Variants in HMBOX1 observed in about 807,000 individuals in gnomAD.
The protein encoded by HMBOX1 is homeobox containing 1, also known as homeobox-containing protein 1.
Under a neutral mutation model 54.5 loss-of-function variants are expected in HMBOX1, and 14 were observed. The observed-to-expected ratio is 0.26, with a 90% CI of 0.17 to 0.40. The LOEUF is 0.40. Among genes scored for constraint, HMBOX1 ranks in the 10% least tolerant of loss-of-function variants. The pLI is 1.00. For missense variants in HMBOX1, 332 were observed against 514.4 expected (o/e 0.65, Z 3.43); for synonymous variants, 160 against 181.0 (o/e 0.88, Z 0.93).
intron 1 of HMBOX1, among the ~76,000 whole-genome samples, chr8:28,907,308 T>C (rs919947895): frequency 1.3e-5 from 2 of 152,232 alleles, no homozygotes; most frequent in African/African-American, 2.4e-5. Flanking sequence ...TGTTCTTGTC[T>C]AAAGTCTTAT....
intron 1 of HMBOX1, among the ~76,000 whole-genome samples, chr8:28,938,999 A>C (rs1820876060): frequency 6.6e-6 from 1 of 152,168 alleles, no homozygotes. Flanking sequence ...TCTTTAAAAA[A>C]ACAAAAGAAG....
rs895582922 is a variant in HMBOX1 at position 28,900,984 on chromosome 8, A to G, written c.-58+10306A>G. Reference sequence around the variant, plus strand: ...TCTAGGTGCAAATCTGATCTCCACTACTTAACCCTGTAATTTTGTGTAAAC... The same window carrying G: ...TCTAGGTGCAAATCTGATCTCCACTGCTTAACCCTGTAATTTTGTGTAAAC... On this transcript the variant is annotated intron_variant, in intron 1 of 9. Transcript: ENST00000287701. Among the ~76,000 whole-genome samples, 10 of 152,130 alleles carry G rather than the reference A, an allele frequency of 6.6e-5. No homozygotes were observed. In the South Asian group the frequency reaches 1.9e-3, roughly 28 times the overall value.
intron 3 of HMBOX1, among the ~76,000 whole-genome samples, chr8:28,973,803 GTTTTTT>G (rs71222583): frequency 8.9e-4 from 65 of 72,640 alleles, no homozygotes; most frequent in African/African-American, 2.4e-3. Flanking sequence ...ACATAATGGA[GTTTTTT>G]TTTTTTTTTT....
chr8:29,027,655 A>G (rs1314375951), intron 6 of HMBOX1, among the ~76,000 whole-genome samples: 1 of 152,208 alleles, frequency 6.6e-6, no homozygotes, highest in Admixed American at 6.6e-5. Context: ...CAACTTGGAA[A>G]AAAGCTTTGA....
intron 4 of HMBOX1, among the ~76,000 whole-genome samples, chr8:28,999,305 C>T (rs920114766): frequency 5.3e-5 from 8 of 152,140 alleles, no homozygotes; most frequent in African/African-American, 1.4e-4. Flanking sequence ...TCTCTCTTGA[C>T]ACTTCAAGAT....
chr8:29,016,492 A>AT lies in HMBOX1; in HGVS notation c.698-2266dup, dbSNP rs561099449. Reference sequence around the variant, plus strand: ...TTGTGATAATTTTTATTAGTTATCTATTCTTATACAATAAATTATCCACAA... The same window carrying AT: ...TTGTGATAATTTTTATTAGTTATCTATTTCTTATACAATAAATTATCCACAA... On this transcript the variant is annotated intron_variant, in intron 5 of 9. Coordinates refer to ENST00000287701, the MANE Select transcript of HMBOX1 (RefSeq NM_001135726.3). 2.5e-4 allele frequency among the ~76,000 whole-genome samples: 38 copies of AT among 152,378 alleles called. No individual in the cohort carries two copies. In the East Asian group the frequency reaches 6.2e-3, roughly 25 times the overall value.
intron 1 of HMBOX1, among the ~76,000 whole-genome samples, chr8:28,897,133 G>A (rs1448268456): frequency 6.6e-6 from 1 of 151,864 alleles, no homozygotes. Flanking sequence ...TTATGGGCAT[G>A]CGCCACCATG....
At chr8:29,010,320 G>GATT in intron 5 of HMBOX1, 2 of 243,736 alleles carry the variant, frequency 8.2e-6, no homozygotes, top group South Asian at 1.5e-4. Flanking sequence ...AACACTTTGG[G>GATT]AGGCCGAAGT....
intron 3 of HMBOX1, among the ~76,000 whole-genome samples, chr8:28,971,958 GATTTTTAA>G (rs1242153756): frequency 6.6e-6 from 1 of 152,134 alleles, no homozygotes; most frequent in African/African-American, 2.4e-5. Flanking sequence ...TCTTCCTAAA[GATTTTTAA>G]ACTTCAAGAT....
rs1457203703 is a variant in HMBOX1 at position 28,947,921 on chromosome 8, C to CATTT, written c.-57-15873_-57-15870dup. On this transcript the variant is annotated intron_variant, in intron 1 of 9. Transcript: ENST00000287701. ...ATCTACATGGCTTGCTGCCTAATTT[C>CATTT]ATTTATTTATTTATTTATTTGAGAC... is the stretch of plus-strand genomic sequence containing the variant. Among the ~76,000 whole-genome samples the CATTT allele has an allele frequency of 6.6e-5, 10 of 152,062 alleles. 1 individual carries two copies. In the East Asian group the frequency reaches 7.7e-4, roughly 12 times the overall value.
intron 1 of HMBOX1, among the ~76,000 whole-genome samples, chr8:28,943,642 TG>T (rs1821870782): frequency 6.6e-6 from 1 of 152,182 alleles, no homozygotes; most frequent in South Asian, 2.1e-4. Flanking sequence ...TGACGTATTT[TG>T]GGGTGGCATG....
At chr8:28,947,376 A>G (rs1160104011) in intron 1 of HMBOX1, among the ~76,000 whole-genome samples, 1 of 152,224 alleles carries the variant, frequency 6.6e-6, no homozygotes, top group East Asian at 1.9e-4. Flanking sequence ...TGAATTATAT[A>G]TTAGCATATC....
intron 1 of HMBOX1, among the ~76,000 whole-genome samples, chr8:28,956,482 T>A (rs1238746379): frequency 6.6e-6 from 1 of 152,168 alleles, no homozygotes; most frequent in Non-Finnish European, 1.5e-5. Flanking sequence ...GCCTGATACT[T>A]ATTTTTTACA....
At chr8:28,945,498 T>C (rs1822267705) in intron 1 of HMBOX1, among the ~76,000 whole-genome samples, 1 of 152,190 alleles carries the variant, frequency 6.6e-6, no homozygotes, top group African/African-American at 2.4e-5. Flanking sequence ...TTGAAAACCA[T>C]TGCATTAGTA....
intron 1 of HMBOX1, among the ~76,000 whole-genome samples, chr8:28,897,551 C>T (rs1307884035): frequency 1.3e-5 from 2 of 152,106 alleles, no homozygotes; most frequent in African/African-American, 4.8e-5. Flanking sequence ...TGGCACACAC[C>T]TGTACTCCCA....
In HMBOX1 at chr8:29,014,073, G is replaced by T. The variant is rs571790574; in HGVS notation, c.698-4687G>T. Among the ~76,000 whole-genome samples the T allele has an allele frequency of 5.1e-4, 21 of 41,434 alleles. No individual in the cohort carries two copies. In the East Asian group the frequency reaches 7.4e-3, roughly 15 times the overall value. The allele number at this position is 41,434 out of a possible 152,430, so 27.2% of individuals were successfully genotyped here. On this transcript the variant is annotated intron_variant, in intron 5 of 9. Coordinates refer to ENST00000287701, the MANE Select transcript of HMBOX1 (RefSeq NM_001135726.3). ...TAGTTCCTATGGATGGCGTAGTAAT[G>T]ATGTGCTTATAGTCCCCTCACCCAG...
chr8:28,939,211 C>T (rs13258689), intron 1 of HMBOX1, among the ~76,000 whole-genome samples: 64,796 of 151,038 alleles, frequency 0.43, 15,165 homozygotes, highest in Non-Finnish European at 0.53. Flanking sequence ...ATTGCTTGAA[C>T]CTGGGAGGCA....
At chr8:29,015,671 C>G (rs1834890274) in intron 5 of HMBOX1, among the ~76,000 whole-genome samples, 1 of 152,110 alleles carries the variant, frequency 6.6e-6, no homozygotes. Flanking sequence ...CAGAATGAAA[C>G]CCTTTTAAAT....
chr8:28,991,068 A>C (rs1830912867), intron 4 of HMBOX1, among the ~76,000 whole-genome samples: 1 of 152,128 alleles, frequency 6.6e-6, no homozygotes, highest in Non-Finnish European at 1.5e-5. Context: ...TTTGTGTAGA[A>C]TTGGTATTAT....
Sources: gnomAD v4.1 joint callset for allele counts (sites outside exome capture counted in the v4.1 genomes callset) on GRCh38, gnomAD v4.1.1 for gene constraint, MANE v1.5 for transcripts, NCBI Gene and HGNC (gene_info 2026-07-23, HGNC 2026-07-21) for gene names.